WDR64: variants seen among roughly 807,000 people sequenced by gnomAD.
The protein encoded by WDR64 is WD repeat domain 64.
WDR64 carries 112 observed loss-of-function variants against 139.3 expected under a neutral mutation model. That is an observed-to-expected ratio of 0.80 (90% confidence interval 0.69 to 0.94). The LOEUF (loss-of-function observed/expected upper bound fraction) is 0.94, where lower values mean the gene tolerates loss of function less well. WDR64 is among the 40% of genes least tolerant of loss of function. The pLI is 0.00. For synonymous variants in WDR64, 444 were observed against 437.7 expected (o/e 1.01, Z -0.18); for missense variants, 1,206 against 1,293.1 (o/e 0.93, Z 1.03).
chr1:241,714,571 TC>T (rs1216770197), intron 9 of WDR64, among the ~76,000 whole-genome samples: 4 of 151,280 alleles, frequency 2.6e-5, no homozygotes, highest in African/African-American at 9.7e-5. Context: ...CTGGGGAATC[TC>T]CCCTAAGGGC....
At chr1:241,655,281 G>C (rs1228662079) in intron 1 of WDR64, among the ~76,000 whole-genome samples, 1 of 152,122 alleles carries the variant, frequency 6.6e-6, no homozygotes, top group Non-Finnish European at 1.5e-5. Flanking sequence ...TACTCGGGAG[G>C]CTAAGCCAGG....
At chr1:241,705,542 T>TA (rs1433451059) in intron 8 of WDR64, among the ~76,000 whole-genome samples, 1,784 of 66,362 alleles carry the variant, frequency 0.027, 44 homozygotes, top group African/African-American at 0.1. Flanking sequence ...ACTCTGTCTC[T>TA]AAAAAAATAA....
chr1:241,733,202 C>T (rs1421266078), intron 10 of WDR64, among the ~76,000 whole-genome samples: 2 of 152,094 alleles, frequency 1.3e-5, no homozygotes, highest in South Asian at 2.1e-4. Context: ...TGGCCAGGCA[C>T]GGTGGCTCAC....
At chr1:241,734,321 C>T (rs945872083) in intron 10 of WDR64, among the ~76,000 whole-genome samples, 1 of 152,106 alleles carries the variant, frequency 6.6e-6, no homozygotes, top group Non-Finnish European at 1.5e-5. Context: ...GGGTACATGT[C>T]GTGAGGACCC....
At chr1:241,764,339 T>C (rs1658050820) in intron 15 of WDR64, among the ~76,000 whole-genome samples, 1 of 152,152 alleles carries the variant, frequency 6.6e-6, no homozygotes, top group Admixed American at 6.5e-5. Context: ...GGCAACAGGC[T>C]ACTTCCTGTT....
Position 241,717,609 on chromosome 1 carries a change from C to T in WDR64, c.1055-5688C>T, listed in dbSNP as rs1444363875. On this transcript the variant is annotated intron_variant, in intron 9 of 27. Transcript: ENST00000437684. ...CTTTTATCTAAATTCTGGCTTCACA[C>T]ACGCAGAAAAGAAAAAAAAAAGAAA... Among the ~76,000 whole-genome samples the T allele has an allele frequency of 2.8e-5, 4 of 142,504 alleles. 1 individual carries two copies. The South Asian group carries it at 6.5e-4, about 23-fold the overall frequency. The allele number at this position is 142,504 out of a possible 152,430, so 93.5% of individuals were successfully genotyped here.
chr1:241,742,134 T>C (rs1669570519), intron 12 of WDR64, among the ~76,000 whole-genome samples: 1 of 152,196 alleles, frequency 6.6e-6, no homozygotes, highest in Admixed American at 6.5e-5. Context: ...GTTTTTATTT[T>C]AAAGATGAGG....
intron 13 of WDR64, 110 bp from the exon 14 acceptor site, chr1:241,749,437 G>C: frequency 6.2e-6 from 8 of 1,283,750 alleles, no homozygotes; most frequent in Non-Finnish European, 8.7e-6. Context: ...AATAAATATA[G>C]GATAAATTGT....
chr1:241,680,026 A>T (rs937258535), intron 6 of WDR64, among the ~76,000 whole-genome samples: 1 of 152,194 alleles, frequency 6.6e-6, no homozygotes, highest in Admixed American at 6.5e-5. Context: ...GTTACTGCTT[A>T]ACCAATCTAC....
chr1:241,678,725 C>T (rs116485471), intron 5 of WDR64, among the ~76,000 whole-genome samples: 9 of 152,018 alleles, frequency 5.9e-5, no homozygotes, highest in African/African-American at 1.9e-4. Context: ...TATGGATTTA[C>T]GAGAGCTGGG....
At chr1:241,747,268 C>T (rs1486050695) in intron 13 of WDR64, among the ~76,000 whole-genome samples, 2 of 152,226 alleles carry the variant, frequency 1.3e-5, no homozygotes, top group African/African-American at 4.8e-5. Context: ...TTGTGAAGAA[C>T]TAAACGCATA....
chr1:241,696,670 G>A (rs1667501204), intron 8 of WDR64, among the ~76,000 whole-genome samples: 1 of 152,076 alleles, frequency 6.6e-6, no homozygotes. Context: ...GGCACTGGTG[G>A]GAGTGTCTCT....
At chr1:241,759,637 C>T (rs1670347805) in intron 15 of WDR64, among the ~76,000 whole-genome samples, 1 of 152,114 alleles carries the variant, frequency 6.6e-6, no homozygotes, top group African/African-American at 2.4e-5. Flanking sequence ...GTATTCCTTG[C>T]TTTATTTAAT....
intron 8 of WDR64, among the ~76,000 whole-genome samples, chr1:241,702,878 G>T (rs2148150358): frequency 6.6e-6 from 1 of 152,292 alleles, no homozygotes; most frequent in South Asian, 2.1e-4. Context: ...GAGTTGAGTA[G>T]TTCTGACAAC....
chr1:241,763,302 T>C (rs1658006256), intron 15 of WDR64, among the ~76,000 whole-genome samples: 1 of 152,250 alleles, frequency 6.6e-6, no homozygotes, highest in Non-Finnish European at 1.5e-5. Flanking sequence ...CCTTGTAGGC[T>C]TTTAATGTAA....
At chr1:241,674,254 T>TC (rs1215909270) in intron 3 of WDR64, among the ~76,000 whole-genome samples, 20 of 92,442 alleles carry the variant, frequency 2.2e-4, no homozygotes, top group Admixed American at 1.2e-3. Flanking sequence ...ATCTTTTTTT[T>TC]TCTTTTCTTT....
At chr1:241,716,222 A>G (rs982005355) in intron 9 of WDR64, among the ~76,000 whole-genome samples, 1 of 151,264 alleles carries the variant, frequency 6.6e-6, no homozygotes, top group East Asian at 2.0e-4. Flanking sequence ...TTTGCTAGGC[A>G]TAGCTGAATG....
At chr1:241,733,706 C>T (rs1669183271) in intron 10 of WDR64, among the ~76,000 whole-genome samples, 1 of 151,174 alleles carries the variant, frequency 6.6e-6, no homozygotes, top group African/African-American at 2.4e-5. Context: ...TCCATTCTGC[C>T]CTGGCCTCTT....
At chr1:241,740,806 C>A (rs958812611) in intron 11 of WDR64, among the ~76,000 whole-genome samples, 2 of 152,072 alleles carry the variant, frequency 1.3e-5, no homozygotes, top group African/African-American at 4.8e-5. Flanking sequence ...GCTGGGATTA[C>A]AGGCACCCAC....
Sources: gnomAD v4.1 joint callset for allele counts (sites outside exome capture counted in the v4.1 genomes callset) on GRCh38, gnomAD v4.1.1 for gene constraint, MANE v1.5 for transcripts, NCBI Gene and HGNC (gene_info 2026-07-23, HGNC 2026-07-21) for gene names.